DCAF6: variants seen among roughly 807,000 people sequenced by gnomAD.
DCAF6 encodes DDB1- and CUL4-associated factor 6.
A neutral mutation model predicts 125.1 loss-of-function variants in DCAF6; 54 were observed. The ratio of observed to expected loss-of-function variants is 0.43; its 90% CI spans 0.35 to 0.54. DCAF6 has a LOEUF of 0.54. DCAF6 is among the 20% of genes least tolerant of loss of function. DCAF6 has a pLI of 0.01. For missense variants in DCAF6, 934 were observed against 1,161.7 expected, an observed-to-expected ratio of 0.80 and a Z score of 2.85; for synonymous variants, 371 against 390.4, an observed-to-expected ratio of 0.95 and a Z score of 0.58.
At chr1:167,934,022 G>T (rs1195239064), upstream of DCAF6, among the ~76,000 whole-genome samples, 4 of 152,206 alleles carry the variant, frequency 2.6e-5, no homozygotes, top group Non-Finnish European at 5.9e-5. Context: ...ACACAGCCAA[G>T]ACTGAAACGT....
intron 4 of DCAF6, among the ~76,000 whole-genome samples, chr1:167,986,626 G>A (rs753705423): frequency 8.5e-5 from 13 of 152,168 alleles, no homozygotes; most frequent in Non-Finnish European, 1.6e-4. Context: ...CATAAGGAGT[G>A]CACAACCTGT....
Position 168,015,885 on chromosome 1 carries a change from C to G in DCAF6, c.1483C>G (p.Gln495Glu). 6.5e-7 allele frequency: 1 copy of G among 1,544,230 alleles called. No individual in the cohort carries two copies. The highest frequency in any genetic ancestry group is 8.7e-7 in the Non-Finnish European group (1 of 1,143,858). ...GCAGCAAGAGCTAGCTGCACATACC[C>G]AGCAACAGCCTTCCACTTCTGATCA... ...QRQQELAAHT[Q>E]QQPSTSDQSS... Residue 495 changes from glutamine (Q) to glutamate (E), a missense_variant, in exon 11 of 22, where the codon CAG becomes GAG. This residue lies in a region of DCAF6 where 559 missense variants were observed against 635.5 expected (regional missense o/e 0.88). Coordinates refer to ENST00000367840, the MANE Select transcript of DCAF6 (RefSeq NM_001198956.2).
chr1:168,054,620 TCTTA>T (rs145005617), intron 17 of DCAF6, among the ~76,000 whole-genome samples: 1,653 of 152,310 alleles, frequency 0.011, 35 homozygotes, highest in African/African-American at 0.036. Context: ...TTTTCTAGAC[TCTTA>T]CTTATAGGAT....
the DCAF6 span, among the ~76,000 whole-genome samples, chr1:167,867,717 T>C: frequency 6.6e-6 from 1 of 152,090 alleles, no homozygotes; most frequent in African/African-American, 2.4e-5. Flanking sequence ...AACACTAAAA[T>C]TTAATGCTTG....
At chr1:167,944,208 G>A (rs1414746831) in intron 1 of DCAF6, among the ~76,000 whole-genome samples, 1 of 152,102 alleles carries the variant, frequency 6.6e-6, no homozygotes, top group Non-Finnish European at 1.5e-5. Flanking sequence ...TTCTTTACCT[G>A]TTCATCCATT....
chr1:168,012,485 A>G (rs919715370), intron 10 of DCAF6, among the ~76,000 whole-genome samples: 5 of 152,176 alleles, frequency 3.3e-5, no homozygotes, highest in Non-Finnish European at 7.3e-5. Flanking sequence ...TATTGTATTC[A>G]ATTTTCAGTT....
chr1:167,896,583 G>T, the DCAF6 span: 1 of 1,595,718 alleles, frequency 6.3e-7, no homozygotes, highest in Non-Finnish European at 8.6e-7. Flanking sequence ...TTTTTCCATG[G>T]TGGGTACTTA....
intron 11 of DCAF6, among the ~76,000 whole-genome samples, chr1:168,020,489 G>A (rs1685541794): frequency 1.3e-5 from 2 of 152,158 alleles, no homozygotes; most frequent in South Asian, 4.1e-4. Flanking sequence ...GCTGAGCTTA[G>A]TACTGAGTGA....
intron 18 of DCAF6, among the ~76,000 whole-genome samples, chr1:168,064,722 C>T (rs1351371716): frequency 6.6e-6 from 1 of 152,126 alleles, no homozygotes; most frequent in African/African-American, 2.4e-5. Context: ...AACAGTAGCT[C>T]AGATAACAAT....
chr1:167,924,152 T>C, the DCAF6 span, among the ~76,000 whole-genome samples: 9 of 152,198 alleles, frequency 5.9e-5, no homozygotes, highest in Admixed American at 5.2e-4. Context: ...TCAGTTCTCA[T>C]ACTAAATTAA....
chr1:168,059,306 A>G (rs1460344888), intron 17 of DCAF6, among the ~76,000 whole-genome samples: 2 of 152,158 alleles, frequency 1.3e-5, no homozygotes, highest in African/African-American at 2.4e-5. Context: ...TATCCCACCT[A>G]TGTCATATTA....
At chr1:167,957,986 A>AT (rs1675023123) in intron 2 of DCAF6, among the ~76,000 whole-genome samples, 1 of 151,494 alleles carries the variant, frequency 6.6e-6, no homozygotes, top group Admixed American at 6.6e-5. Context: ...TTTTAATTGG[A>AT]TTGTTTGTCT....
chr1:167,890,307 T>C, the DCAF6 span, among the ~76,000 whole-genome samples: 3 of 152,050 alleles, frequency 2.0e-5, no homozygotes, highest in East Asian at 3.9e-4. Flanking sequence ...TGCAGACTTA[T>C]AGAGGTACCA....
chr1:167,956,567 C>T (rs916351714), intron 2 of DCAF6, among the ~76,000 whole-genome samples: 2 of 151,994 alleles, frequency 1.3e-5, no homozygotes, highest in Non-Finnish European at 2.9e-5. Context: ...TTGATTTCTG[C>T]TAATATATTT....
chr1:167,963,422 G>GT (rs1352555346), intron 2 of DCAF6, among the ~76,000 whole-genome samples: 8 of 136,758 alleles, frequency 5.8e-5, no homozygotes, highest in East Asian at 4.2e-4. Flanking sequence ...TGCCTTTTGT[G>GT]TTTTTTTTGT....
At chr1:168,046,514 C>T (rs1415082569) in intron 16 of DCAF6, among the ~76,000 whole-genome samples, 1 of 152,112 alleles carries the variant, frequency 6.6e-6, no homozygotes, top group African/African-American at 2.4e-5. Context: ...TTTGCCATGG[C>T]ACTTTTTTTG....
chr1:168,072,932 A>T (rs112573826), intron 21 of DCAF6, among the ~76,000 whole-genome samples: 47 of 152,330 alleles, frequency 3.1e-4, no homozygotes, highest in African/African-American at 1.1e-3. Context: ...AACCTTATTT[A>T]CAAAAGCAAT....
At chr1:168,044,725 T>C (rs1688950071) in intron 15 of DCAF6, 54 bp downstream of exon 15, 4 of 1,480,908 alleles carry the variant, frequency 2.7e-6, no homozygotes, top group Non-Finnish European at 3.8e-6. Context: ...AAAGCCTTAA[T>C]CTATGTTAAT....
chr1:168,002,122 A>T (rs1219746233), intron 7 of DCAF6, among the ~76,000 whole-genome samples: 3 of 152,178 alleles, frequency 2.0e-5, no homozygotes, highest in Admixed American at 6.5e-5. Context: ...TAACTAGACT[A>T]TATTTATCAT....
Sources: gnomAD v4.1 joint callset for allele counts (sites outside exome capture counted in the v4.1 genomes callset) on GRCh38, gnomAD v4.1.1 for gene constraint, gnomAD v4.1.1 regional missense constraint, MANE v1.5 for transcripts, NCBI Gene and HGNC (gene_info 2026-07-23, HGNC 2026-07-21) for gene names.